Variants in PLSCR4 observed in about 807,000 individuals in gnomAD.
PLSCR4 encodes phospholipid scramblase 4.
Under a neutral mutation model 36.3 loss-of-function variants are expected in PLSCR4, and 25 were observed. That is an observed-to-expected ratio of 0.69 (90% confidence interval 0.50 to 0.96). PLSCR4 has a LOEUF of 0.96. PLSCR4 is among the 40% of genes least tolerant of loss of function. PLSCR4 has a pLI of 0.00. For missense variants in PLSCR4, 408 were observed against 414.7 expected (o/e 0.98, Z 0.14); for synonymous variants, 122 against 132.9 (o/e 0.92, Z 0.56).
At chr3:146,234,096 C>G (rs2035822367) in intron 1 of PLSCR4, among the ~76,000 whole-genome samples, 1 of 152,086 alleles carries the variant, frequency 6.6e-6, no homozygotes, top group South Asian at 2.1e-4. Context: ...TACAATTAAC[C>G]TAAACAGAAT....
chr3:146,195,387 A>G (rs1559895253), intron 7 of PLSCR4, 105 bp from the exon 8 acceptor site: 1 of 893,004 alleles, frequency 1.1e-6, no homozygotes, highest in Admixed American at 2.2e-5. Context: ...GAAAAAGACT[A>G]TGTAATTATA....
chr3:146,208,582 C>T (rs1490203418), intron 3 of PLSCR4, among the ~76,000 whole-genome samples: 1 of 152,042 alleles, frequency 6.6e-6, no homozygotes, highest in Non-Finnish European at 1.5e-5. Flanking sequence ...TACAAACAAT[C>T]CCATCAAAAA....
chr3:146,231,065 T>C (rs1030118077), intron 1 of PLSCR4, among the ~76,000 whole-genome samples: 18 of 152,236 alleles, frequency 1.2e-4, no homozygotes, highest in Admixed American at 2.6e-4. Flanking sequence ...TTCTCCTCAT[T>C]GTTTCCATGT....
At chr3:146,237,085 T>G (rs2035949954) in intron 1 of PLSCR4, among the ~76,000 whole-genome samples, 1 of 151,832 alleles carries the variant, frequency 6.6e-6, no homozygotes, top group South Asian at 2.1e-4. Context: ...CAACTATACG[T>G]CATATACAAG....
At chr3:146,213,831 GTTATTCCC>G (rs2034754535) in intron 3 of PLSCR4, among the ~76,000 whole-genome samples, 1 of 152,056 alleles carries the variant, frequency 6.6e-6, no homozygotes, top group Non-Finnish European at 1.5e-5. Flanking sequence ...AATTGTTCAT[GTTATTCCC>G]TTAAGATACT....
chr3:146,219,796 C>T (rs2035056564), intron 3 of PLSCR4, among the ~76,000 whole-genome samples: 2 of 152,080 alleles, frequency 1.3e-5, no homozygotes, highest in Admixed American at 6.5e-5. Context: ...AAAAATTAGC[C>T]GGGCGTGGTG....
At chr3:146,245,650 G>A (rs2036308645) in intron 1 of PLSCR4, among the ~76,000 whole-genome samples, 1 of 151,884 alleles carries the variant, frequency 6.6e-6, no homozygotes, top group African/African-American at 2.4e-5. Context: ...ATATAATCTG[G>A]ATAATTATAA....
chr3:146,238,976 T>C (rs2036030757), intron 1 of PLSCR4, among the ~76,000 whole-genome samples: 1 of 152,068 alleles, frequency 6.6e-6, no homozygotes, highest in African/African-American at 2.4e-5. Flanking sequence ...CAATGAACAA[T>C]GCAGGAAATC....
intron 4 of PLSCR4, among the ~76,000 whole-genome samples, chr3:146,202,239 T>C (rs1460688262): frequency 2.0e-5 from 3 of 151,956 alleles, no homozygotes; most frequent in Admixed American, 1.3e-4. Context: ...TATTAAAATC[T>C]AGAAGTGAAA....
At chr3:146,202,454 A>C (rs1374381898) in intron 4 of PLSCR4, among the ~76,000 whole-genome samples, 1 of 152,064 alleles carries the variant, frequency 6.6e-6, no homozygotes, top group Admixed American at 6.6e-5. Context: ...AATTTTAAAA[A>C]ACTTTATTGC....
chr3:146,196,522 C>T, intron 7 of PLSCR4, 110 bp downstream of exon 7: 5 of 989,004 alleles, frequency 5.1e-6, no homozygotes, highest in South Asian at 1.6e-5. Context: ...TCTTTCCTAA[C>T]ACTATGTTAT....
At chr3:146,241,707 G>C (rs112736021) in intron 1 of PLSCR4, among the ~76,000 whole-genome samples, 42 of 152,046 alleles carry the variant, frequency 2.8e-4, no homozygotes, top group African/African-American at 9.9e-4. Flanking sequence ...AACAGCATTA[G>C]AATAACCATT....
chr3:146,248,321 T>G (rs2036421690), intron 1 of PLSCR4, among the ~76,000 whole-genome samples: 1 of 152,186 alleles, frequency 6.6e-6, no homozygotes, highest in Non-Finnish European at 1.5e-5. Flanking sequence ...TTACTATCAC[T>G]ATCAATTTTT....
intron 4 of PLSCR4, among the ~76,000 whole-genome samples, 193 bp from the exon 5 acceptor site, chr3:146,201,270 A>C (rs1332172115): frequency 6.6e-6 from 1 of 152,174 alleles, no homozygotes; most frequent in Non-Finnish European, 1.5e-5. Flanking sequence ...ATATTAGCAG[A>C]GTTGTCCATA....
At chr3:146,197,330 T>A (rs948712790) in intron 6 of PLSCR4, among the ~76,000 whole-genome samples, 1 of 152,134 alleles carries the variant, frequency 6.6e-6, no homozygotes, top group African/African-American at 2.4e-5. Context: ...CTTCTCCAAG[T>A]CAACCTCAGA....
At chr3:146,196,502 GTTAA>G (rs2033750185) in intron 7 of PLSCR4, 126 bp downstream of exon 7, 3 of 844,854 alleles carry the variant, frequency 3.6e-6, no homozygotes, top group Non-Finnish European at 1.9e-6. Context: ...ATGTCAACTG[GTTAA>G]TTAACTCTTT....
chr3:146,245,222 A>G (rs950102036), intron 1 of PLSCR4, among the ~76,000 whole-genome samples: 1 of 152,034 alleles, frequency 6.6e-6, no homozygotes, highest in Non-Finnish European at 1.5e-5. Flanking sequence ...TGATTTTAAT[A>G]TATCCCCTCC....
rs879823667 is a variant in PLSCR4 at position 146,192,396 on chromosome 3, GCA to G, written c.*2013_*2014del. 15 of 150,176 alleles carry G rather than the reference GCA, an allele frequency of 1.0e-4. No homozygotes were observed. The highest frequency in any genetic ancestry group is 9.3e-4 in the Admixed American group (14 of 15,016). The allele number at this position is 150,176 out of a possible 1,614,324, so 9.3% of individuals were successfully genotyped here. ...ATAAAGAATACGAAAAAGCATGAAC[GCA>G]CAAATTCCAGAGAATTTGTTTTTTA... On this transcript the variant is annotated 3_prime_UTR_variant, in exon 9 of 9. Coordinates refer to ENST00000354952, the MANE Select transcript of PLSCR4 (RefSeq NM_020353.3).
At chr3:146,238,189 C>CA (rs1026319887) in intron 1 of PLSCR4, among the ~76,000 whole-genome samples, 3 of 149,166 alleles carry the variant, frequency 2.0e-5, no homozygotes, top group Admixed American at 6.6e-5. Context: ...AATTAGTAAC[C>CA]AAAAAAACTT....
Sources: allele counts gnomAD v4.1 joint callset (sites outside exome capture counted in the v4.1 genomes callset), GRCh38; gene constraint gnomAD v4.1.1; transcripts MANE v1.5; gene names NCBI Gene and HGNC (gene_info 2026-07-23, HGNC 2026-07-21).